The following TASP1 variants were observed in gnomAD, a reference collection of about 807,000 sequenced individuals.
TASP1 encodes taspase 1.
TASP1 carries 16 observed loss-of-function variants against 56.6 expected under a neutral mutation model. That is an observed-to-expected ratio of 0.28 (90% CI 0.19 to 0.43). The LOEUF is 0.43. Among genes scored for constraint, TASP1 ranks in the 20% least tolerant of loss-of-function variants. The probability of loss-of-function intolerance (pLI) is 1.00; values close to 1 mark genes in which losing one functional copy is unlikely to be tolerated. For synonymous variants in TASP1, 179 were observed against 184.2 expected, an observed-to-expected ratio of 0.97 and a Z score of 0.23; for missense variants, 393 against 511.6, an observed-to-expected ratio of 0.77 and a Z score of 2.24.
intron 2 of TASP1, among the ~76,000 whole-genome samples, chr20:13,629,207 T>C (rs1358804098): frequency 6.6e-6 from 1 of 151,746 alleles, no homozygotes; most frequent in Non-Finnish European, 1.5e-5. Flanking sequence ...CTACTAAAAA[T>C]ACAAAAATTA....
intron 11 of TASP1, among the ~76,000 whole-genome samples, chr20:13,455,052 T>G (rs952459489): frequency 1.3e-5 from 2 of 152,084 alleles, no homozygotes; most frequent in African/African-American, 4.8e-5. Flanking sequence ...TCTTTTACTG[T>G]GTCTAATAAA....
chr20:13,358,319 G>T, the TASP1 span, among the ~76,000 whole-genome samples: 1 of 152,162 alleles, frequency 6.6e-6, no homozygotes, highest in Admixed American at 6.5e-5. Context: ...CTCTTCACAC[G>T]GACGCGCATG....
intron 6 of TASP1, among the ~76,000 whole-genome samples, chr20:13,575,682 T>C (rs1417912427): frequency 6.6e-6 from 1 of 152,168 alleles, no homozygotes; most frequent in Non-Finnish European, 1.5e-5. Context: ...TTTCTCAATA[T>C]GATCAAGAGC....
chr20:13,445,357 GAAATAATTCAGTTGAGAAGAA>G (rs2043369868), intron 11 of TASP1, among the ~76,000 whole-genome samples: 1 of 152,144 alleles, frequency 6.6e-6, no homozygotes, highest in African/African-American at 2.4e-5. Context: ...TGTCCTCAAG[GAAATAATTCAGTTGAGAAGAA>G]AAAAACAACA....
At chr20:13,594,039 A>G (rs749426146) in intron 4 of TASP1, among the ~76,000 whole-genome samples, 11 of 152,216 alleles carry the variant, frequency 7.2e-5, no homozygotes, top group Non-Finnish European at 1.0e-4. Flanking sequence ...CCATTCTGCA[A>G]TATTTGCTGT....
chr20:13,146,608 A>G, the TASP1 span, among the ~76,000 whole-genome samples: 1 of 152,158 alleles, frequency 6.6e-6, no homozygotes, highest in African/African-American at 2.4e-5. Flanking sequence ...GGAAGCAATA[A>G]TACTATGCAA....
rs776293754 is a variant in TASP1 at position 13,565,346 on chromosome 20, GA to G, written c.568+4160del. On this transcript the variant is annotated intron_variant, in intron 7 of 13. Transcript: ENST00000337743. ...TAACACCAAAACACAGACAATAAAA[GA>G]AAAAAATAGATAAAAATTTAAAAGA... Among the ~76,000 whole-genome samples, 496 of 151,856 alleles carry G rather than the reference GA, an allele frequency of 3.3e-3. 2 individuals carry two copies. The highest frequency in any genetic ancestry group is 0.012 in the East Asian group (60 of 5,170).
intron 4 of TASP1, 111 bp from the exon 5 acceptor site, chr20:13,587,481 C>T (rs1222053795): frequency 2.3e-6 from 2 of 864,368 alleles, no homozygotes; most frequent in Non-Finnish European, 3.5e-6. Context: ...CTTTCCAACA[C>T]ATAGTATGAT....
intron 11 of TASP1, among the ~76,000 whole-genome samples, chr20:13,458,739 C>T (rs1405506697): frequency 6.6e-6 from 1 of 152,122 alleles, no homozygotes; most frequent in Non-Finnish European, 1.5e-5. Context: ...GACTCCTAAG[C>T]CCTGTGGTTG....
chr20:13,614,246 T>C (rs1236278323), intron 4 of TASP1, among the ~76,000 whole-genome samples: 4 of 152,306 alleles, frequency 2.6e-5, no homozygotes, highest in Middle Eastern at 3.4e-3. Context: ...GAGTCAAACA[T>C]AGTATGTTGA....
At chr20:13,362,466 T>TCA in the TASP1 span, among the ~76,000 whole-genome samples, 5 of 128,754 alleles carry the variant, frequency 3.9e-5, no homozygotes, top group African/African-American at 1.7e-4. Context: ...CTCAAAAAGC[T>TCA]CCCCCACTGA....
chr20:13,221,508 C>A, the TASP1 span, among the ~76,000 whole-genome samples: 1 of 144,878 alleles, frequency 6.9e-6, no homozygotes, highest in African/African-American at 2.5e-5. Context: ...GCTTGCTCCG[C>A]AGCCGGCTTG....
At chr20:13,437,091 T>C (rs1286687339) in intron 11 of TASP1, among the ~76,000 whole-genome samples, 6 of 152,034 alleles carry the variant, frequency 3.9e-5, no homozygotes, top group African/African-American at 1.4e-4. Context: ...CTGATGAACA[T>C]CGATGCAAAA....
chr20:13,109,113 C>G, the TASP1 span, among the ~76,000 whole-genome samples: 4 of 152,154 alleles, frequency 2.6e-5, no homozygotes, highest in Non-Finnish European at 4.4e-5. Flanking sequence ...ATATACCAAA[C>G]AGCTAGGTTG....
chr20:13,448,287 T>C (rs893029678), intron 11 of TASP1, among the ~76,000 whole-genome samples: 2 of 152,100 alleles, frequency 1.3e-5, no homozygotes, highest in Admixed American at 6.6e-5. Context: ...TAAATTCCCA[T>C]ATGTATTTGC....
intron 1 of TASP1, among the ~76,000 whole-genome samples, chr20:13,632,785 A>G (rs1449855422): frequency 6.6e-6 from 1 of 152,226 alleles, no homozygotes; most frequent in Non-Finnish European, 1.5e-5. Context: ...TGTTTAACTC[A>G]GAACTCATTA....
the TASP1 span, among the ~76,000 whole-genome samples, chr20:13,149,646 T>C: frequency 6.6e-6 from 1 of 152,256 alleles, no homozygotes; most frequent in African/African-American, 2.4e-5. Context: ...CATGCTGTGC[T>C]AAATGGTTTA....
the TASP1 span, among the ~76,000 whole-genome samples, chr20:13,343,519 C>A: frequency 1.3e-5 from 2 of 152,038 alleles, no homozygotes; most frequent in Admixed American, 1.3e-4. Flanking sequence ...GCGTTTCTCC[C>A]TGCAGGCTGC....
chr20:13,350,246 A>C, the TASP1 span, among the ~76,000 whole-genome samples: 5 of 152,222 alleles, frequency 3.3e-5, no homozygotes, highest in Admixed American at 3.3e-4. Context: ...AGATCTAAAT[A>C]AACGGAGAGA....
Sources: gnomAD v4.1 joint callset for allele counts (sites outside exome capture counted in the v4.1 genomes callset) on GRCh38, gnomAD v4.1.1 for gene constraint, MANE v1.5 for transcripts, NCBI Gene and HGNC (gene_info 2026-07-23, HGNC 2026-07-21) for gene names.